UGGT2: variants seen among roughly 807,000 people sequenced by gnomAD.
UGGT2 encodes the protein UDP-glucose:glycoprotein glucosyltransferase 2.
UGGT2 carries 180 observed loss-of-function variants against 192.1 expected under a neutral mutation model. That is an observed-to-expected ratio of 0.94 (90% CI 0.83 to 1.06). The LOEUF (loss-of-function observed/expected upper bound fraction) is 1.06, where lower values mean the gene tolerates loss of function less well. Ranked by LOEUF, UGGT2 falls within the 50% of genes least tolerant of loss-of-function variation. The pLI is 0.00. For missense variants in UGGT2, 1,849 were observed against 1,795.7 expected (o/e 1.03, Z -0.54); for synonymous variants, 580 against 591.0 (o/e 0.98, Z 0.27).
intron 8 of UGGT2, among the ~76,000 whole-genome samples, chr13:95,987,497 T>C (rs556170264): frequency 6.6e-6 from 1 of 152,216 alleles, no homozygotes; most frequent in Admixed American, 6.5e-5. Context: ...AGAGAACATT[T>C]TGAAGGAGGC....
In UGGT2 at chr13:95,834,667, C is replaced by T. The variant is rs188145325; in HGVS notation, c.4402-1614G>A. ...ACTCTTAGTGTTTCTATGAGGGAGA[C>T]GGGCTGAACACCAAAATTTGTGCCA... On this transcript the variant is annotated intron_variant, in intron 37 of 38. Coordinates refer to ENST00000376747, the MANE Select transcript of UGGT2 (RefSeq NM_020121.4). Among the ~76,000 whole-genome samples, 104 of 152,234 alleles carry T rather than the reference C, an allele frequency of 6.8e-4. 2 individuals are homozygous for T. The East Asian group carries it at 0.018, about 26-fold the overall frequency.
At chr13:95,939,255 C>T (rs888081293) in intron 16 of UGGT2, among the ~76,000 whole-genome samples, 2 of 152,090 alleles carry the variant, frequency 1.3e-5, no homozygotes, top group African/African-American at 4.8e-5. Context: ...TCTTACAACC[C>T]CCTTGTTTTC....
At chr13:95,815,679 G>C (rs1326435391) in intron 38 of UGGT2, among the ~76,000 whole-genome samples, 1 of 151,980 alleles carries the variant, frequency 6.6e-6, no homozygotes, top group Non-Finnish European at 1.5e-5. Context: ...GGGCTTTTTT[G>C]TTTTCCAAAG....
intron 1 of UGGT2, among the ~76,000 whole-genome samples, chr13:96,045,046 G>T (rs1434025375): frequency 6.6e-6 from 1 of 151,844 alleles, no homozygotes. Flanking sequence ...ACCAAAAAAG[G>T]AAACTACATA....
At chr13:96,043,443 A>G (rs951985312) in intron 1 of UGGT2, among the ~76,000 whole-genome samples, 2 of 152,178 alleles carry the variant, frequency 1.3e-5, no homozygotes, top group Non-Finnish European at 2.9e-5. Flanking sequence ...CAGGACCTAT[A>G]AAACAAAAAT....
At chr13:95,817,277 A>G (rs1348667871) in intron 38 of UGGT2, among the ~76,000 whole-genome samples, 1 of 152,024 alleles carries the variant, frequency 6.6e-6, no homozygotes, top group Non-Finnish European at 1.5e-5. Context: ...AAAGTTAGAA[A>G]AATTTATACT....
At chr13:95,830,493 A>C (rs1886542113) in intron 38 of UGGT2, among the ~76,000 whole-genome samples, 1 of 152,120 alleles carries the variant, frequency 6.6e-6, no homozygotes, top group African/African-American at 2.4e-5. Flanking sequence ...CTTCACAAAA[A>C]ACGATATTTA....
intron 28 of UGGT2, 72 bp from the exon 29 acceptor site, chr13:95,877,436 A>G: frequency 1.6e-6 from 2 of 1,227,922 alleles, no homozygotes. Context: ...TGAATACACG[A>G]ATGATCTAAG....
rs139011721 is a variant in UGGT2 at position 95,980,154 on chromosome 13, G to C, written c.1092+3650C>G. On this transcript the variant is annotated intron_variant, in intron 10 of 38. Transcript: ENST00000376747. ...TACTAGGTAACTGCCCAGAGGGGTGGGGGGGAAGTCATTATATGAAAAAGA... is the reference window on the plus strand; with the variant it reads ...TACTAGGTAACTGCCCAGAGGGGTGCGGGGGAAGTCATTATATGAAAAAGA... 9.2e-4 allele frequency among the ~76,000 whole-genome samples: 140 copies of C among 152,236 alleles called. 1 individual carries two copies. Among genetic ancestry groups the C allele is most frequent in the Middle Eastern group, 3.4e-3 (1 of 294 alleles).
At chr13:95,931,612 G>A (rs562288717) in intron 17 of UGGT2, among the ~76,000 whole-genome samples, 1 of 152,122 alleles carries the variant, frequency 6.6e-6, no homozygotes, top group African/African-American at 2.4e-5. Context: ...CCTGACCCAG[G>A]GGGAGGCAGA....
chr13:95,885,700 G>C (rs1419451853), intron 26 of UGGT2, among the ~76,000 whole-genome samples: 3 of 152,162 alleles, frequency 2.0e-5, no homozygotes, highest in African/African-American at 4.8e-5. Flanking sequence ...ATAAAAAGAG[G>C]AGAAACAGGA....
intron 12 of UGGT2, among the ~76,000 whole-genome samples, chr13:95,962,198 A>T (rs2050415753): frequency 6.6e-6 from 1 of 152,102 alleles, no homozygotes; most frequent in Non-Finnish European, 1.5e-5. Context: ...AACAAACCCA[A>T]AATTAGCAGA....
At chr13:96,037,142 A>G (rs1213639914) in intron 1 of UGGT2, among the ~76,000 whole-genome samples, 1 of 152,190 alleles carries the variant, frequency 6.6e-6, no homozygotes, top group Non-Finnish European at 1.5e-5. Flanking sequence ...CACAAGTAGA[A>G]TAACTGCAGT....
At chr13:95,849,371 C>T (rs1888788722) in intron 36 of UGGT2, among the ~76,000 whole-genome samples, 1 of 151,858 alleles carries the variant, frequency 6.6e-6, no homozygotes, top group Non-Finnish European at 1.5e-5. Context: ...CGAGTCTCTA[C>T]TAAAATACAA....
intron 20 of UGGT2, among the ~76,000 whole-genome samples, chr13:95,923,905 T>G (rs2048929253): frequency 6.6e-6 from 1 of 152,226 alleles, no homozygotes; most frequent in Admixed American, 6.5e-5. Context: ...TTTGATTTTA[T>G]GTACTTCCGA....
At chr13:96,012,187 A>C (rs564070431) in intron 5 of UGGT2, among the ~76,000 whole-genome samples, 113 of 152,200 alleles carry the variant, frequency 7.4e-4, no homozygotes, top group African/African-American at 2.6e-3. Context: ...GATGGAGTAG[A>C]ATAAAGACTT....
At chr13:95,929,165 G>A (rs2140456077) in intron 17 of UGGT2, among the ~76,000 whole-genome samples, 1 of 152,314 alleles carries the variant, frequency 6.6e-6, no homozygotes, top group Non-Finnish European at 1.5e-5. Context: ...CCTCGGCTTG[G>A]CATCAGAGGG....
chr13:95,816,868 T>C (rs1884950247), intron 38 of UGGT2, among the ~76,000 whole-genome samples: 1 of 152,240 alleles, frequency 6.6e-6, no homozygotes, highest in Admixed American at 6.5e-5. Context: ...GGCTCATGCC[T>C]GTAATCCCAG....
intron 27 of UGGT2, among the ~76,000 whole-genome samples, chr13:95,879,118 C>T (rs370052854): frequency 2.0e-5 from 3 of 152,122 alleles, no homozygotes; most frequent in African/African-American, 7.2e-5. Flanking sequence ...CCTCACTTTA[C>T]AGACAAGGAA....
Sources: gnomAD v4.1 joint callset for allele counts (sites outside exome capture counted in the v4.1 genomes callset) on GRCh38, gnomAD v4.1.1 for gene constraint, MANE v1.5 for transcripts, NCBI Gene and HGNC (gene_info 2026-07-23, HGNC 2026-07-21) for gene names.